The following NUP214 variants were observed in gnomAD, a reference collection of about 807,000 sequenced individuals.
NUP214 encodes nuclear pore complex protein Nup214.
NUP214 carries 79 observed loss-of-function variants against 196.2 expected under a neutral mutation model. The observed-to-expected ratio is 0.40, with a 90% CI of 0.34 to 0.49. The LOEUF is 0.49. Ranked by LOEUF, NUP214 falls within the 20% of genes least tolerant of loss-of-function variation. The probability of loss-of-function intolerance (pLI) is 0.58; values close to 1 mark genes in which losing one functional copy is unlikely to be tolerated. For missense variants in NUP214, 2,468 were observed against 2,539.0 expected (o/e 0.97, Z 0.60); for synonymous variants, 1,020 against 990.5 (o/e 1.03, Z -0.56).
rs73658939 is a variant in NUP214, at chr9:131,211,923, A to G, written c.5593-3289A>G. Among the ~76,000 whole-genome samples the G allele has an allele frequency of 7.6e-3, 1,165 of 152,334 alleles. 13 individuals carry two copies. Among genetic ancestry groups the G allele is most frequent in the African/African-American group, 0.026 (1,096 of 41,568 alleles). ...GGCTGCGATTTTCATGGAACAAGGG[A>G]GATAACCATTGGGCCTGACTGCCTG... On this transcript the variant is annotated intron_variant, in intron 30 of 35. Transcript: ENST00000359428.
chr9:131,198,934 C>A lies in NUP214; in HGVS notation c.5440C>A (p.Gln1814Lys). 2 of 1,614,194 alleles carry A rather than the reference C, an allele frequency of 1.2e-6. No homozygotes were observed. Among genetic ancestry groups the A allele is most frequent in the Non-Finnish European group, 1.7e-6 (2 of 1,180,026 alleles). The change falls in exon 29 of 36, where the codon CAG becomes AAG. Residue 1814 changes from glutamine (Q) to lysine (K), a missense_variant. Coordinates refer to ENST00000359428, the MANE Select transcript of NUP214 (RefSeq NM_005085.4). ...PAFGQSPGFGQGGSVFGGTSA... is the reference protein window; with the variant it reads ...PAFGQSPGFGKGGSVFGGTSA... Reference sequence around the variant, plus strand: ...TTTTGGGCAGAGTCCTGGCTTTGGACAGGGAGGCTCTGTCTTTGGTGGTAC... The same window carrying A: ...TTTTGGGCAGAGTCCTGGCTTTGGAAAGGGAGGCTCTGTCTTTGGTGGTAC...
At position 131,192,307 on chromosome 9, in the gene NUP214, TAA is replaced by T. The variant is rs768723444; in HGVS notation, c.3659+16_3659+17del. 3 of 1,519,990 alleles carry T rather than the reference TAA, an allele frequency of 2.0e-6. No homozygotes were observed. The highest frequency in any genetic ancestry group is 1.8e-6 in the Non-Finnish European group (2 of 1,108,644). The allele number at this position is 1,519,990 out of a possible 1,614,324, so 94.2% of individuals were successfully genotyped here. A position where few individuals can be genotyped will look rare whatever the true frequency, so the allele number is the denominator to read the frequency against. On this transcript the variant is annotated intron_variant, in intron 27 of 35. Transcript: ENST00000359428. ...TCTCCATCAGGGTCAGTAATGAACT[TAA>T]GTTTTATGGCAAATTACTAGCAATT...
At chr9:131,195,888 G>A (rs962298893) in intron 28 of NUP214, among the ~76,000 whole-genome samples, 8 of 152,150 alleles carry the variant, frequency 5.3e-5, no homozygotes, top group African/African-American at 1.9e-4. Flanking sequence ...AGCCAGCCGT[G>A]GTGGCGCATA....
chr9:131,210,983 A>G (rs1219293488), intron 30 of NUP214, among the ~76,000 whole-genome samples: 1 of 152,242 alleles, frequency 6.6e-6, no homozygotes, highest in Non-Finnish European at 1.5e-5. Context: ...ATGAAAATAC[A>G]TCCCATATTC....
intron 27 of NUP214, chr9:131,194,296 A>G (rs1833713380): frequency 6.6e-6 from 1 of 151,160 alleles, no homozygotes; most frequent in Non-Finnish European, 1.5e-5. Context: ...AGCCCCCCGA[A>G]TAACTGGGAC....
At position 131,197,785 on chromosome 9, in the gene NUP214, T is replaced by A; in HGVS notation, c.4291T>A (p.Ser1431Thr). 6.2e-7 allele frequency: 1 copy of A among 1,614,150 alleles called. No individual in the cohort carries two copies. The highest frequency in any genetic ancestry group is 1.1e-5 in the South Asian group (1 of 91,086). Reference protein sequence around the residue: ...SSGVISFGGTSLSAGKTSFSF... With the variant: ...SSGVISFGGTTLSAGKTSFSF... ...TGGGGTCATCAGTTTTGGTGGGACA[T>A]CTCTAAGTGCTGGCAAGACTAGTTT... The change falls in exon 29 of 36, where the codon TCT becomes ACT. Residue 1431 changes from serine to threonine, a missense_variant. By Grantham distance (58) the Ser-to-Thr change is moderately conservative (BLOSUM62 1). Transcript: ENST00000359428.
intron 26 of NUP214, chr9:131,191,099 T>C (rs1833586667): frequency 6.6e-6 from 1 of 152,086 alleles, no homozygotes; most frequent in Admixed American, 6.6e-5. Context: ...TTTTTTTTTC[T>C]TGTTGTTGTT....
At chr9:131,199,553 T>C (rs1178649576) in intron 29 of NUP214, among the ~76,000 whole-genome samples, 1 of 152,230 alleles carries the variant, frequency 6.6e-6, no homozygotes, top group African/African-American at 2.4e-5. Context: ...CTTTTCTATT[T>C]TCAGTGTTAT....
In NUP214 at chr9:131,233,984, G is replaced by T; in HGVS notation, c.*497G>T. On this transcript the variant is annotated 3_prime_UTR_variant, in exon 36 of 36. Transcript: ENST00000359428. ...TTGTTCTTTTAGCCATTGTGTATCA[G>T]GACCATCCAAGGACGCACTCTGCGA... 1 of 300,162 alleles carries T rather than the reference G, an allele frequency of 3.3e-6. No homozygotes were observed. The highest frequency in any genetic ancestry group is 5.8e-5 in the South Asian group (1 of 17,102). 18.6% of individuals were successfully genotyped at this position (300,162 alleles called of 1,614,324 possible).
At chr9:131,132,121 T>C (rs1344204519) in intron 5 of NUP214, among the ~76,000 whole-genome samples, 3 of 142,174 alleles carry the variant, frequency 2.1e-5, no homozygotes, top group Non-Finnish European at 3.0e-5. Context: ...TTTTCTTTCT[T>C]TTTTTTTTTT....
At chr9:131,218,342 A>T (rs1047602172) in intron 31 of NUP214, among the ~76,000 whole-genome samples, 2 of 152,218 alleles carry the variant, frequency 1.3e-5, no homozygotes, top group African/African-American at 2.4e-5. Flanking sequence ...GAGAAGGAAG[A>T]GCTGGGAGTC....
chr9:131,197,994 T>G lies in NUP214; in HGVS notation c.4500T>G (p.Ala1500=). 6.2e-7 allele frequency: 1 copy of G among 1,614,188 alleles called. No individual in the cohort carries two copies. The highest frequency in any genetic ancestry group is 1.3e-5 in the African/African-American group (1 of 75,042). ...GCACAGAAGAGGCCACTTCATCAGC[T>G]TTGCCTGAGAAGCCAGGTGACAGTG... ...GRSTEEATSS[A]LPEKPGDSEV... is the part of the protein sequence containing the mutation. Residue 1500 remains alanine, a synonymous_variant, in exon 29 of 36, where the codon GCT becomes GCG. Coordinates refer to ENST00000359428, the MANE Select transcript of NUP214 (RefSeq NM_005085.4).
In NUP214 at chr9:131,125,999, G is replaced by C; in HGVS notation, c.45+250G>C. On this transcript the variant is annotated intron_variant, in intron 1 of 35. Transcript: ENST00000359428. This position sits in a 1 kb window ranked among gnomAD's most constrained non-coding sequence, Gnocchi z 4.1. Reference sequence around the variant, plus strand: ...GCTACTTCCTGGGGCGGTCACAATAGTGGCAATAACTGCTGTTTATTGAGT... The same window carrying C: ...GCTACTTCCTGGGGCGGTCACAATACTGGCAATAACTGCTGTTTATTGAGT... 1 of 543,220 alleles carries C rather than the reference G, an allele frequency of 1.8e-6. No individual in the cohort carries two copies. The highest frequency in any genetic ancestry group is 2.3e-5 in the South Asian group (1 of 43,138). The allele number at this position is 543,220 out of a possible 1,614,324, so 33.6% of individuals were successfully genotyped here.
chr9:131,139,166 T>TCATCTCTG, intron 9 of NUP214, 115 bp from the exon 10 acceptor site: 1 of 1,182,356 alleles, frequency 8.5e-7, no homozygotes, highest in Non-Finnish European at 1.1e-6. Flanking sequence ...ACCAAGTGAG[T>TCATCTCTG]CATCTCTGTT....
In NUP214 at chr9:131,125,704, G is replaced by T. The variant is rs368736772; in HGVS notation, c.-1G>T. 2.6e-6 allele frequency: 4 copies of T among 1,551,064 alleles called. No homozygotes were observed. In the African/African-American group the frequency reaches 4.1e-5, roughly 16 times the overall value. On this transcript the variant is annotated 5_prime_UTR_variant, in exon 1 of 36. Transcript: ENST00000359428. The surrounding 1 kb of genome is among the most constrained non-coding windows in gnomAD (Gnocchi z 4.1). ...TGCTTCGACACACTGAGGGCGGCGC[G>T]ATGGGAGACGAGATGGATGCCATGA...
At chr9:131,178,476 G>T in intron 24 of NUP214, 66 bp downstream of exon 24, 1 of 1,141,974 alleles carries the variant, frequency 8.8e-7, no homozygotes, top group Non-Finnish European at 1.3e-6. Context: ...ACTGCCTGCA[G>T]GGAGCAGCAG....
At chr9:131,178,876 CTGTT>C (rs905155025) in intron 24 of NUP214, among the ~76,000 whole-genome samples, 48 of 152,212 alleles carry the variant, frequency 3.2e-4, no homozygotes, top group African/African-American at 1.1e-3. Context: ...GACAGCACCT[CTGTT>C]TGGAGACTTT....
At chr9:131,193,708 G>A (rs1174172522) in intron 27 of NUP214, among the ~76,000 whole-genome samples, 1 of 133,336 alleles carries the variant, frequency 7.5e-6, no homozygotes, top group Non-Finnish European at 1.5e-5. Context: ...TTGGAGCGCA[G>A]TGGTGAGATC....
chr9:131,206,148 C>CTTTTTTCTTTTTTTTTTTTTTT (rs1301657384), intron 30 of NUP214, among the ~76,000 whole-genome samples: 1 of 76,388 alleles, frequency 1.3e-5, no homozygotes, highest in African/African-American at 5.3e-5. Flanking sequence ...TTTCTTTTTT[C>CTTTTTTCTTTTTTTTTTTTTTT]TTTTTTTTTT....
Sources: allele counts gnomAD v4.1 joint callset (sites outside exome capture counted in the v4.1 genomes callset), GRCh38; gene constraint gnomAD v4.1.1; non-coding constraint Gnocchi (gnomAD v3.1); transcripts MANE v1.5; gene names NCBI Gene and HGNC (gene_info 2026-07-23, HGNC 2026-07-21).